The following IL21R variants were observed in gnomAD, a reference collection of about 807,000 sequenced individuals.
The protein encoded by IL21R is interleukin 21 receptor.
A neutral mutation model predicts 41.3 loss-of-function variants in IL21R; 14 were observed. That is an observed-to-expected ratio of 0.34 (90% CI 0.22 to 0.53). The LOEUF (loss-of-function observed/expected upper bound fraction) is 0.53. Ranked by LOEUF, IL21R falls within the 20% of genes least tolerant of loss-of-function variation. The probability of loss-of-function intolerance (pLI) is 0.94; values close to 1 mark genes in which losing one functional copy is unlikely to be tolerated. For synonymous variants in IL21R, 286 were observed against 287.6 expected (o/e 0.99, Z 0.05); for missense variants, 588 against 681.6 (o/e 0.86, Z 1.53).
chr16:27,450,773 G>C lies in IL21R; in HGVS notation c.*1490G>C, dbSNP rs2141324254. 4.4e-6 allele frequency: 1 copy of C among 226,622 alleles called. No homozygotes were observed. Among genetic ancestry groups the C allele is most frequent in the South Asian group, 1.8e-4 (1 of 5,476 alleles). 14.0% of individuals were successfully genotyped at this position (226,622 alleles called of 1,614,324 possible). ...AATTTTTGTATTTTTAGTAGAGCTG[G>C]GGCCACCCTGGCCCGGCCCCGTCTT... On this transcript the variant is annotated 3_prime_UTR_variant, in exon 9 of 9. Coordinates refer to ENST00000337929, the MANE Select transcript of IL21R (RefSeq NM_181078.3).
chr16:27,435,640 G>A (rs1476749227), intron 3 of IL21R, among the ~76,000 whole-genome samples: 1 of 151,894 alleles, frequency 6.6e-6, no homozygotes, highest in African/African-American at 2.4e-5. Flanking sequence ...TTTTTGTAAA[G>A]ACAGGGTTTT....
At chr16:27,429,777 A>G (rs2087137668) in intron 1 of IL21R, among the ~76,000 whole-genome samples, 1 of 152,206 alleles carries the variant, frequency 6.6e-6, no homozygotes, top group Non-Finnish European at 1.5e-5. Context: ...CCATCTCTAA[A>G]AATATTAAAA....
At chr16:27,430,210 C>A in intron 2 of IL21R, 90 bp downstream of exon 2, 2 of 1,070,940 alleles carry the variant, frequency 1.9e-6, no homozygotes, top group Admixed American at 2.1e-5. Context: ...CTCAAAAACA[C>A]GGCTAGAGTC....
Position 27,448,799 on chromosome 16 carries a change from C to T in IL21R, c.1133C>T (p.Thr378Ile). 1 of 1,613,556 alleles carries T rather than the reference C, an allele frequency of 6.2e-7. No homozygotes were observed. The highest frequency in any genetic ancestry group is 8.5e-7 in the Non-Finnish European group (1 of 1,180,036). The change falls in exon 9 of 9, where the codon ACA becomes ATA. Residue 378 changes from threonine (T) to isoleucine (I), a missense_variant. Coordinates refer to ENST00000337929, the MANE Select transcript of IL21R (RefSeq NM_181078.3). Reference protein sequence around the residue: ...DRPYGLVSIDTVTVLDAEGPC... With the variant: ...DRPYGLVSIDIVTVLDAEGPC... ...CCATACGGCCTGGTGTCCATTGACACAGTGACTGTGCTAGATGCAGAGGGG... is the reference window on the plus strand; with the variant it reads ...CCATACGGCCTGGTGTCCATTGACATAGTGACTGTGCTAGATGCAGAGGGG...
Position 27,449,341 on chromosome 16 carries a change from G to A in IL21R, c.*58G>A. 1 of 1,508,062 alleles carries A rather than the reference G, an allele frequency of 6.6e-7. No homozygotes were observed. 93.4% of individuals were successfully genotyped at this position (1,508,062 alleles called of 1,614,324 possible). A position where few individuals can be genotyped will look rare whatever the true frequency, so the allele number is the denominator to read the frequency against. On this transcript the variant is annotated 3_prime_UTR_variant, in exon 9 of 9. Coordinates refer to ENST00000337929, the MANE Select transcript of IL21R (RefSeq NM_181078.3). ...CCACTGGGCCCTGAGCCAGAGACAA[G>A]GTCACCTGGGCTGTGATGTGAAGAC...
chr16:27,442,007 G>A (rs1001030178), intron 4 of IL21R, among the ~76,000 whole-genome samples: 1 of 152,176 alleles, frequency 6.6e-6, no homozygotes, highest in African/African-American at 2.4e-5. Flanking sequence ...GTGAGATCCT[G>A]TCTCTAGGGG....
chr16:27,448,409 G>C (rs2087523116), intron 8 of IL21R, 125 bp from the exon 9 acceptor site: 1 of 999,376 alleles, frequency 1.0e-6, no homozygotes. Flanking sequence ...GAACCGAGAT[G>C]GCACCACTGC....
In IL21R at chr16:27,445,214, C is replaced by T. The variant is rs1240842516; in HGVS notation, c.723C>T (p.Leu241=). The T allele has an allele frequency of 1.9e-6, 3 of 1,614,118 alleles. No individual in the cohort carries two copies. The highest frequency in any genetic ancestry group is 1.6e-4 in the Middle Eastern group (1 of 6,062). The part of the protein sequence containing the change: ...KEGWNPHLLL[L]LLLVIVFIPA... ...GCTGGAACCCTCACCTGCTGCTTCT[C>T]CTCCTGCTTGTCATAGTCTTCATTC... Residue 241 remains leucine (L), a synonymous_variant, in exon 7 of 9, where the codon CTC becomes CTT. Transcript: ENST00000337929.
At chr16:27,442,795 G>C (rs1567371209) in intron 4 of IL21R, 167 bp from the exon 5 acceptor site, 3 of 563,582 alleles carry the variant, frequency 5.3e-6, no homozygotes, top group Non-Finnish European at 9.4e-6. Flanking sequence ...CCAGAGTTGG[G>C]AGTACTTTGC....
intron 4 of IL21R, among the ~76,000 whole-genome samples, chr16:27,439,992 T>G (rs1459460708): frequency 6.6e-6 from 1 of 151,998 alleles, no homozygotes; most frequent in South Asian, 2.1e-4. Flanking sequence ...AGAGCCGGCC[T>G]CCACCTGCCC....
At chr16:27,437,802 A>G (rs2087300328) in intron 4 of IL21R, 115 bp downstream of exon 4, 1 of 776,410 alleles carries the variant, frequency 1.3e-6, no homozygotes, top group Admixed American at 2.1e-5. Context: ...AGCTGGGACA[A>G]CAGGTGTACA....
Position 27,437,632 on chromosome 16 carries a change from A to C in IL21R, c.297A>C (p.Thr99=). The change falls in exon 4 of 9, where the codon ACA becomes ACC. Residue 99 remains threonine, a synonymous_variant. Transcript: ENST00000337929. The part of the protein sequence containing the change: ...MADDIFSVNI[T]DQSGNYSQEC... ...ACGACATTTTCAGTGTCAACATCAC[A>C]GACCAGTCTGGCAACTACTCCCAGG... 1 of 1,614,228 alleles carries C rather than the reference A, an allele frequency of 6.2e-7. No homozygotes were observed. The highest frequency in any genetic ancestry group is 8.5e-7 in the Non-Finnish European group (1 of 1,180,022).
Position 27,450,617 on chromosome 16 carries a change from T to G in IL21R, c.*1334T>G. 1 of 215,442 alleles carries G rather than the reference T, an allele frequency of 4.6e-6. No homozygotes were observed. Among genetic ancestry groups the G allele is most frequent in the Non-Finnish European group, 9.3e-6 (1 of 107,144 alleles). The allele number at this position is 215,442 out of a possible 1,614,324, so 13.3% of individuals were successfully genotyped here. On this transcript the variant is annotated 3_prime_UTR_variant, in exon 9 of 9. Transcript: ENST00000337929. ...TTTTTCTTTTGAGACAGAGTCTCAC[T>G]CTCGTCGCCCAGGCTGGAATGCAGT...
chr16:27,410,687 T>A (rs1443696109), intron 1 of IL21R, among the ~76,000 whole-genome samples: 1 of 152,214 alleles, frequency 6.6e-6, no homozygotes, highest in East Asian at 1.9e-4. Context: ...AACCAGTAGA[T>A]CTTTTTTACC....
At position 27,446,077 on chromosome 16, in the gene IL21R, G is replaced by A. The variant is rs1176809666; in HGVS notation, c.856G>A (p.Gly286Arg). The change falls in exon 8 of 9, where the codon GGA becomes AGA. Residue 286 changes from glycine to arginine, a missense_variant. Coordinates refer to ENST00000337929, the MANE Select transcript of IL21R (RefSeq NM_181078.3). Reference sequence around the variant, plus strand: ...CATGCCCCTGTACAAGGGCTGCAGCGGAGACTTCAAGGTGAGCTCCCGACC... The same window carrying A: ...CATGCCCCTGTACAAGGGCTGCAGCAGAGACTTCAAGGTGAGCTCCCGACC... ...FFMPLYKGCS[G>R]DFKKWVGAPF... 3.1e-6 allele frequency: 5 copies of A among 1,613,468 alleles called. No homozygotes were observed. The highest frequency in any genetic ancestry group is 1.7e-5 in the Admixed American group (1 of 59,940).
intron 1 of IL21R, among the ~76,000 whole-genome samples, chr16:27,411,154 T>G (rs1218822849): frequency 1.3e-5 from 2 of 152,214 alleles, no homozygotes; most frequent in African/African-American, 2.4e-5. Flanking sequence ...AGATGCTGTT[T>G]TTATTTCTTT....
intron 1 of IL21R, among the ~76,000 whole-genome samples, chr16:27,425,362 A>G (rs1314750973): frequency 6.6e-6 from 1 of 152,194 alleles, no homozygotes; most frequent in African/African-American, 2.4e-5. Flanking sequence ...GGAGGGAGTG[A>G]TGGAGAAAGT....
intron 3 of IL21R, among the ~76,000 whole-genome samples, chr16:27,436,246 A>G (rs1249595861): frequency 6.6e-6 from 1 of 152,232 alleles, no homozygotes; most frequent in Non-Finnish European, 1.5e-5. Flanking sequence ...ATACTTTCTA[A>G]TAATACTGGG....
Position 27,449,452 on chromosome 16 carries a change from A to C in IL21R, c.*169A>C, listed in dbSNP as rs1156587535. ...TGTGTGTGCATATGTGTGTGTGTGC[A>C]TATGCATGTGTGTGTGTGTGTGTGT... On this transcript the variant is annotated 3_prime_UTR_variant, in exon 9 of 9. Transcript: ENST00000337929. 1 of 658,774 alleles carries C rather than the reference A, an allele frequency of 1.5e-6. No homozygotes were observed. The highest frequency in any genetic ancestry group is 2.5e-6 in the Non-Finnish European group (1 of 397,756). 40.8% of individuals were successfully genotyped at this position (658,774 alleles called of 1,614,324 possible).
Sources: gnomAD v4.1 joint callset for allele counts (sites outside exome capture counted in the v4.1 genomes callset) on GRCh38, gnomAD v4.1.1 for gene constraint, MANE v1.5 for transcripts, NCBI Gene and HGNC (gene_info 2026-07-23, HGNC 2026-07-21) for gene names.